ZSCAN5A: variants seen among roughly 807,000 people sequenced by gnomAD.
ZSCAN5A encodes zinc finger and SCAN domain containing 5A, also known as zinc finger and SCAN domain-containing protein 5A.
A neutral mutation model predicts 23.7 loss-of-function variants in ZSCAN5A; 12 were observed. The ratio of observed to expected loss-of-function variants is 0.51; its 90% CI spans 0.32 to 0.82. The LOEUF is 0.82. Ranked by LOEUF, ZSCAN5A falls within the 40% of genes least tolerant of loss-of-function variation. ZSCAN5A has a pLI of 0.03. For synonymous variants in ZSCAN5A, 257 were observed against 239.9 expected, an observed-to-expected ratio of 1.07 and a Z score of -0.66; for missense variants, 597 against 617.9, an observed-to-expected ratio of 0.97 and a Z score of 0.36.
Position 56,244,205 on chromosome 19 carries a change from G to A in ZSCAN5A, c.-127-19032C>T, listed in dbSNP as rs139065000. 5,610 of 1,608,998 alleles carry A rather than the reference G, an allele frequency of 3.5e-3. 16 individuals carry two copies. Among genetic ancestry groups the A allele is most frequent in the Non-Finnish European group, 4.3e-3 (5,005 of 1,175,498 alleles). On this transcript the variant is annotated intron_variant, in intron 2 of 5. Coordinates refer to ENST00000683990, the MANE Select transcript of ZSCAN5A (RefSeq NM_001322064.3). The stretch of plus-strand genomic sequence containing the variant: ...CTTCAGGATGTTCAGCTGCCCAGAG[G>A]AGTCGGACCCCATCCAGGCTCTGAG...
chr19:56,291,932 C>A (rs1218048878), intron 2 of ZSCAN5A, among the ~76,000 whole-genome samples: 1 of 152,198 alleles, frequency 6.6e-6, no homozygotes, highest in African/African-American at 2.4e-5. Context: ...ACCAGAGCAG[C>A]ACTTTTCAAT....
chr19:56,350,521 T>G (rs2041660975), intron 2 of ZSCAN5A, among the ~76,000 whole-genome samples: 1 of 152,256 alleles, frequency 6.6e-6, no homozygotes, highest in African/African-American at 2.4e-5. Flanking sequence ...CCAATCATAT[T>G]GCAAGTTGTA....
chr19:56,313,563 C>T (rs2041176525), intron 1 of ZSCAN5A, among the ~76,000 whole-genome samples, 179 bp from the exon 2 acceptor site: 1 of 152,166 alleles, frequency 6.6e-6, no homozygotes, highest in Non-Finnish European at 1.5e-5. Context: ...CCAATCCCTC[C>T]GTAGGTAAGT....
chr19:56,332,829 G>A (rs1357556950), intron 2 of ZSCAN5A, among the ~76,000 whole-genome samples: 2 of 152,134 alleles, frequency 1.3e-5, no homozygotes, highest in African/African-American at 4.8e-5. Flanking sequence ...ATTCCCTTAA[G>A]GATTTCTTGT....
At chr19:56,346,701 C>CA (rs2041635737) in intron 2 of ZSCAN5A, among the ~76,000 whole-genome samples, 1 of 151,184 alleles carries the variant, frequency 6.6e-6, no homozygotes, top group African/African-American at 2.4e-5. Context: ...CTCTCTATTA[C>CA]TTTTTTTTAT....
chr19:56,289,866 A>T (rs760542924), intron 2 of ZSCAN5A, among the ~76,000 whole-genome samples: 4 of 152,156 alleles, frequency 2.6e-5, no homozygotes, highest in Non-Finnish European at 4.4e-5. Context: ...TTCCCATCTC[A>T]GCCTGCCAAA....
chr19:56,340,272 CT>C (rs1037380368), intron 2 of ZSCAN5A, among the ~76,000 whole-genome samples: 4 of 152,102 alleles, frequency 2.6e-5, no homozygotes, highest in Non-Finnish European at 5.9e-5. Context: ...CCCCTATCAT[CT>C]TTCTGTCAGC....
At chr19:56,245,686 C>G (rs147508907) in intron 2 of ZSCAN5A, among the ~76,000 whole-genome samples, 1 of 151,922 alleles carries the variant, frequency 6.6e-6, no homozygotes, top group Non-Finnish European at 1.5e-5. Flanking sequence ...CAGTTGGCAC[C>G]GATGAATGAA....
chr19:56,328,137 A>G (rs1366068363), intron 2 of ZSCAN5A, among the ~76,000 whole-genome samples: 2 of 152,162 alleles, frequency 1.3e-5, no homozygotes, highest in African/African-American at 4.8e-5. Flanking sequence ...AGAAGTGATC[A>G]GTGTTTACTC....
In ZSCAN5A at chr19:56,228,422, C is replaced by T. The variant is rs2034172500; in HGVS notation, c.-127-3249G>A. ...CATAGAGTCCATTTTACGTAATCGG[C>T]GTTGATTATGGTTCCCACTGAAACC... is the stretch of plus-strand genomic sequence containing the variant. On this transcript the variant is annotated intron_variant, in intron 2 of 5. Coordinates refer to ENST00000683990, the MANE Select transcript of ZSCAN5A (RefSeq NM_001322064.3). 3.0e-6 allele frequency: 3 copies of T among 985,286 alleles called. No individual in the cohort carries two copies. In the African/African-American group the frequency reaches 5.2e-5, roughly 17 times the overall value. The allele number at this position is 985,286 out of a possible 1,614,324, so 61.0% of individuals were successfully genotyped here. A position where few individuals can be genotyped will look rare whatever the true frequency, so the allele number is the denominator to read the frequency against.
In ZSCAN5A at chr19:56,222,729, G is replaced by C. The variant is rs761986359; in HGVS notation, c.601C>G (p.Leu201Val). 4 of 1,614,168 alleles carry C rather than the reference G, an allele frequency of 2.5e-6. No individual in the cohort carries two copies. The South Asian group carries it at 4.4e-5, about 18-fold the overall frequency. ...GTTACGTCAATACTCTTGTGTAGCA[G>C]AAAGTCCTCTCCCTGAAGAGGAAAA... is the stretch of plus-strand genomic sequence containing the variant. ...ALSRRQGEDF[L>V]LHKSIDVTGD... The change falls in exon 5 of 6, where the codon CTG becomes GTG. Residue 201 changes from leucine to valine, a missense_variant. Coordinates refer to ENST00000683990, the MANE Select transcript of ZSCAN5A (RefSeq NM_001322064.3).
chr19:56,302,200 G>A, intron 2 of ZSCAN5A: 1 of 751,972 alleles, frequency 1.3e-6, no homozygotes, highest in Non-Finnish European at 1.8e-6. Flanking sequence ...GAGGTGCCAA[G>A]CAGGAAGTGG....
chr19:56,230,355 A>G (rs924863347), intron 2 of ZSCAN5A, among the ~76,000 whole-genome samples: 3 of 152,146 alleles, frequency 2.0e-5, no homozygotes, highest in African/African-American at 7.2e-5. Context: ...AAGTGCCGGG[A>G]TTACAGGCAT....
At chr19:56,324,414 G>A (rs1189453171) in intron 2 of ZSCAN5A, among the ~76,000 whole-genome samples, 3 of 152,114 alleles carry the variant, frequency 2.0e-5, no homozygotes, top group Non-Finnish European at 4.4e-5. Context: ...TCAGGGAAAT[G>A]CAAATCAAAA....
chr19:56,251,926 A>C (rs750527304), intron 2 of ZSCAN5A, among the ~76,000 whole-genome samples: 5 of 152,208 alleles, frequency 3.3e-5, no homozygotes, highest in Non-Finnish European at 5.9e-5. Flanking sequence ...AATATCCAAC[A>C]TAGACCAAAT....
chr19:56,338,752 G>C (rs1474387376), intron 2 of ZSCAN5A: 1 of 152,204 alleles, frequency 6.6e-6, no homozygotes, highest in African/African-American at 2.4e-5. Flanking sequence ...AACAGAATGA[G>C]ATTTTAGGGT....
intron 2 of ZSCAN5A, among the ~76,000 whole-genome samples, chr19:56,241,144 T>C (rs1028147465): frequency 2.0e-5 from 3 of 152,278 alleles, no homozygotes. Flanking sequence ...CTGTGTGCTA[T>C]ATACTCCCAG....
intron 1 of ZSCAN5A, among the ~76,000 whole-genome samples, chr19:56,366,422 CAAA>C (rs34420866): frequency 6.7e-4 from 56 of 83,154 alleles, no homozygotes; most frequent in East Asian, 2.4e-3. Flanking sequence ...GACTCTGTCT[CAAA>C]AAAAAAAAAA....
At position 56,323,605 on chromosome 19, in the gene ZSCAN5A, C is replaced by T. The variant is rs548458369; in HGVS notation, c.-357-7337G>A. Among the ~76,000 whole-genome samples the T allele has an allele frequency of 4.1e-5, 6 of 147,674 alleles. No individual in the cohort carries two copies. The South Asian group carries it at 6.4e-4, about 16-fold the overall frequency. On this transcript the variant is annotated intron_variant, in intron 2 of 6. Transcript: ENST00000587340. ...AGGCTGGAGTACAATGGTATGATCT[C>T]GGCTCACTGCAACCTCCGCCTCCCG...
Sources: allele counts gnomAD v4.1 joint callset (sites outside exome capture counted in the v4.1 genomes callset), GRCh38; gene constraint gnomAD v4.1.1; transcripts MANE v1.5; gene names NCBI Gene and HGNC (gene_info 2026-07-23, HGNC 2026-07-21).